Variants in TECPR2 observed in about 807,000 individuals in gnomAD.
The protein encoded by TECPR2 is tectonin beta-propeller repeat containing 2.
A neutral mutation model predicts 138.1 loss-of-function variants in TECPR2; 65 were observed. The ratio of observed to expected loss-of-function variants is 0.47; its 90% confidence interval spans 0.39 to 0.58. The LOEUF (loss-of-function observed/expected upper bound fraction) is 0.58. TECPR2 is among the 20% of genes least tolerant of loss of function. The pLI, the probability that TECPR2 is intolerant of heterozygous loss-of-function variation, is 0.00. For missense variants in TECPR2, 1,553 were observed against 1,824.5 expected (o/e 0.85, Z 2.71); for synonymous variants, 746 against 749.8 (o/e 0.99, Z 0.08).
chr14:102,410,705 A>C (rs1177352971), intron 4 of TECPR2, among the ~76,000 whole-genome samples: 2 of 149,776 alleles, frequency 1.3e-5, no homozygotes, highest in Non-Finnish European at 3.0e-5. Flanking sequence ...CCCCCCCTCA[A>C]AAAAAAAAAA....
intron 1 of TECPR2, among the ~76,000 whole-genome samples, chr14:102,369,518 G>A (rs1005527257): frequency 1.3e-5 from 2 of 151,892 alleles, no homozygotes; most frequent in East Asian, 2.0e-4. Context: ...TCGATCCTCC[G>A]GGCTCAATTG....
At chr14:102,463,962 A>G (rs1242070723) in intron 16 of TECPR2, among the ~76,000 whole-genome samples, 1 of 152,126 alleles carries the variant, frequency 6.6e-6, no homozygotes, top group African/African-American at 2.4e-5. Context: ...AAACAATTCA[A>G]CTTAGCCCTG....
intron 2 of TECPR2, among the ~76,000 whole-genome samples, chr14:102,379,679 T>TC (rs1887741795): frequency 1.0e-5 from 1 of 97,738 alleles, no homozygotes. Flanking sequence ...CACAGAGGCA[T>TC]CTTAGTCACA....
At position 102,497,129 on chromosome 14, in the gene TECPR2, C is replaced by G; in HGVS notation, c.3931+9C>G. The G allele has an allele frequency of 6.2e-7, 1 of 1,608,906 alleles. No homozygotes were observed. ...CTGGGAGCATGTGCCAGGTAGGAGCCTGCAGACAGGGCCTGTGGTGCCGGC... is the reference window on the plus strand; with the variant it reads ...CTGGGAGCATGTGCCAGGTAGGAGCGTGCAGACAGGGCCTGTGGTGCCGGC... On this transcript the variant is annotated intron_variant, in intron 18 of 19. Coordinates refer to ENST00000359520, the MANE Select transcript of TECPR2 (RefSeq NM_014844.5).
chr14:102,481,341 G>T (rs1301776980), intron 17 of TECPR2, among the ~76,000 whole-genome samples: 1 of 152,156 alleles, frequency 6.6e-6, no homozygotes, highest in South Asian at 2.1e-4. Context: ...TAGAGATGGG[G>T]TTTCACTGTG....
At chr14:102,384,846 CTTTTTTTTTTTT>C (rs58616138) in intron 2 of TECPR2, among the ~76,000 whole-genome samples, 3 of 99,398 alleles carry the variant, frequency 3.0e-5, no homozygotes, top group African/African-American at 8.6e-5. Flanking sequence ...TTTTCCTTTC[CTTTTTTTTTTTT>C]TTTTTTTTTT....
chr14:102,376,657 G>A lies in TECPR2; in HGVS notation c.-65G>A, dbSNP rs1291566032. 1 of 1,457,554 alleles carries A rather than the reference G, an allele frequency of 6.9e-7. No homozygotes were observed. Among genetic ancestry groups the A allele is most frequent in the Non-Finnish European group, 9.6e-7 (1 of 1,045,042 alleles). 90.3% of individuals were successfully genotyped at this position (1,457,554 alleles called of 1,614,324 possible). A position where few individuals can be genotyped will look rare whatever the true frequency, so the allele number is the denominator to read the frequency against. On this transcript the variant is annotated 5_prime_UTR_variant, in exon 2 of 20. Coordinates refer to ENST00000359520, the MANE Select transcript of TECPR2 (RefSeq NM_014844.5). ...TAATGCTTTGTTCTGTAGCCCCCAG[G>A]TTTCCCTAGATGACAAATAAACATT...
At chr14:102,431,024 CTTT>C (rs10713792) in intron 7 of TECPR2, among the ~76,000 whole-genome samples, 3 of 122,632 alleles carry the variant, frequency 2.4e-5, no homozygotes, top group Admixed American at 9.1e-5. Flanking sequence ...TATTTTTTTA[CTTT>C]TTTTTTTTTT....
chr14:102,425,335 G>A, intron 6 of TECPR2, 44 bp downstream of exon 6: 1 of 1,534,490 alleles, frequency 6.5e-7, no homozygotes, highest in Non-Finnish European at 8.8e-7. Flanking sequence ...CTATAGGCAA[G>A]AGAATGTATC....
intron 2 of TECPR2, among the ~76,000 whole-genome samples, chr14:102,402,053 A>G (rs1888506626): frequency 6.6e-6 from 1 of 152,204 alleles, no homozygotes; most frequent in Non-Finnish European, 1.5e-5. Context: ...TAAACCAACT[A>G]GATTTAACAG....
chr14:102,367,994 CTTTTTTTTTTTTTTTT>C (rs56325877), intron 1 of TECPR2, among the ~76,000 whole-genome samples: 7 of 65,804 alleles, frequency 1.1e-4, no homozygotes, highest in African/African-American at 3.5e-4. Flanking sequence ...GCTTATTGGC[CTTTTTTTTTTTTTTTT>C]TTTTTTTTTT....
chr14:102,401,608 T>A (rs1372286549), intron 2 of TECPR2, among the ~76,000 whole-genome samples: 3 of 151,326 alleles, frequency 2.0e-5, no homozygotes, highest in Non-Finnish European at 4.4e-5. Flanking sequence ...TGGAACCCTG[T>A]CTCTACTGAA....
rs1005447487 is a variant in TECPR2, at chr14:102,363,023, G to A, written c.-166G>A. ...GCCCCGGTGCCGGCCCCGTTGCCCAGGGAACAGGCTCCCGGCAGCCCCCGC... is the reference window on the plus strand; with the variant it reads ...GCCCCGGTGCCGGCCCCGTTGCCCAAGGAACAGGCTCCCGGCAGCCCCCGC... On this transcript the variant is annotated 5_prime_UTR_variant, in exon 1 of 20. Transcript: ENST00000359520. The A allele has an allele frequency of 1.2e-6, 1 of 827,040 alleles. No homozygotes were observed. The highest frequency in any genetic ancestry group is 1.7e-5 in the African/African-American group (1 of 58,054). The allele number at this position is 827,040 out of a possible 1,614,324, so 51.2% of individuals were successfully genotyped here.
intron 18 of TECPR2, 124 bp from the exon 19 acceptor site, chr14:102,497,446 T>G: frequency 7.7e-7 from 1 of 1,299,346 alleles, no homozygotes; most frequent in Non-Finnish European, 1.0e-6. Context: ...GCCCAGCCCA[T>G]CATGGGCACT....
intron 16 of TECPR2, among the ~76,000 whole-genome samples, chr14:102,453,008 A>T (rs1455482070): frequency 6.6e-6 from 1 of 152,186 alleles, no homozygotes; most frequent in East Asian, 1.9e-4. Flanking sequence ...CTATGACAGG[A>T]TCAGTGCCAC....
rs542488581 is a variant in TECPR2, at chr14:102,451,888, C to A, written c.3407-506C>A. On this transcript the variant is annotated intron_variant, in intron 15 of 19. Coordinates refer to ENST00000359520, the MANE Select transcript of TECPR2 (RefSeq NM_014844.5). ...AGAGAAGCACTTCCAGCTTCCTAAG[C>A]CTTCTCCAGCAGCTGCCCCACCCCC... 3.2e-4 allele frequency among the ~76,000 whole-genome samples: 49 copies of A among 152,214 alleles called. 1 individual carries two copies. The highest frequency in any genetic ancestry group is 1.1e-3 in the African/African-American group (46 of 41,528).
intron 1 of TECPR2, among the ~76,000 whole-genome samples, chr14:102,367,254 C>T (rs1222223276): frequency 6.6e-6 from 1 of 152,108 alleles, no homozygotes; most frequent in Non-Finnish European, 1.5e-5. Context: ...GGGGTAACAG[C>T]TTTATTGAGA....
intron 17 of TECPR2, among the ~76,000 whole-genome samples, chr14:102,493,320 C>T (rs1891198284): frequency 6.6e-6 from 1 of 152,218 alleles, no homozygotes; most frequent in African/African-American, 2.4e-5. Context: ...CTGTCTTCTC[C>T]ACGCGGCCTT....
chr14:102,378,321 A>G (rs531401735), intron 2 of TECPR2, among the ~76,000 whole-genome samples: 3 of 152,368 alleles, frequency 2.0e-5, no homozygotes, highest in African/African-American at 7.2e-5. Context: ...CTCATTTTAA[A>G]ATAATCAAAA....
Sources: allele counts gnomAD v4.1 joint callset (sites outside exome capture counted in the v4.1 genomes callset), GRCh38; gene constraint gnomAD v4.1.1; transcripts MANE v1.5; gene names NCBI Gene and HGNC (gene_info 2026-07-23, HGNC 2026-07-21).